C1QTNF7: variants seen among roughly 807,000 people sequenced by gnomAD.
C1QTNF7 encodes the protein C1q and TNF related 7, also known as complement C1q tumor necrosis factor-related protein 7.
In C1QTNF7, 15 loss-of-function variants were observed where a neutral mutation model predicts 19.6. The ratio of observed to expected loss-of-function variants is 0.76; its 90% CI spans 0.51 to 1.18. The LOEUF is 1.18. C1QTNF7 is among the 50% of genes most tolerant of loss of function. The probability of loss-of-function intolerance (pLI) is 0.00; values close to 1 mark genes in which losing one functional copy is unlikely to be tolerated. For missense variants in C1QTNF7, 324 were observed against 359.7 expected, an observed-to-expected ratio of 0.90 and a Z score of 0.80; for synonymous variants, 142 against 137.5, an observed-to-expected ratio of 1.03 and a Z score of -0.23.
At chr4:15,404,728 G>A (rs1719131127) in intron 1 of C1QTNF7, among the ~76,000 whole-genome samples, 1 of 152,158 alleles carries the variant, frequency 6.6e-6, no homozygotes, top group African/African-American at 2.4e-5. Context: ...TATTCTTAAT[G>A]GGGACCAAGG....
rs184805823 is a variant in C1QTNF7, at chr4:15,382,954, G to A, written c.13+42747G>A. Among the ~76,000 whole-genome samples, 21 of 152,256 alleles carry A rather than the reference G, an allele frequency of 1.4e-4. No individual in the cohort carries two copies. In the East Asian group the frequency reaches 3.3e-3, roughly 24 times the overall value. On this transcript the variant is annotated intron_variant, in intron 1 of 2. Coordinates refer to the C1QTNF7 transcript ENST00000295297. The stretch of plus-strand genomic sequence containing the variant: ...AATACTTATTAGTGCTTACCAAATC[G>A]GAGGTGATCAAAACAGACAAAAATC...
rs551400515 is a variant in C1QTNF7, at chr4:15,412,210, C to A, written c.14-23526C>A. On this transcript the variant is annotated intron_variant, in intron 1 of 2. Transcript: ENST00000295297. The stretch of plus-strand genomic sequence containing the variant: ...AAGTTCAGGGCTCCCACTGATTCTA[C>A]CTTATCATGAGTTGTATAATTATTT... Among the ~76,000 whole-genome samples, 23 of 152,246 alleles carry A rather than the reference C, an allele frequency of 1.5e-4. 1 individual carries two copies. In the East Asian group the frequency reaches 4.4e-3, roughly 29 times the overall value.
intron 1 of C1QTNF7, among the ~76,000 whole-genome samples, chr4:15,394,180 T>C (rs1358056911): frequency 6.6e-6 from 1 of 152,298 alleles, no homozygotes; most frequent in Non-Finnish European, 1.5e-5. Flanking sequence ...TTGGAACACT[T>C]GAGGAAAGTA....
upstream of C1QTNF7, among the ~76,000 whole-genome samples, chr4:15,426,561 T>C (rs1712065582): frequency 2.0e-5 from 3 of 152,126 alleles, no homozygotes; most frequent in Admixed American, 2.0e-4. Flanking sequence ...TTTTATGTGG[T>C]AAGTAACATT....
Position 15,442,787 on chromosome 4 carries a change from T to C in C1QTNF7, c.858T>C (p.Asp286=). The change falls in exon 3 of 3, where the codon GAT becomes GAC. Residue 286 remains aspartate, a synonymous_variant. Coordinates refer to ENST00000444304, the MANE Select transcript of C1QTNF7 (RefSeq NM_031911.5). ...DTDYLDSISE[D]DEL is the part of the protein sequence containing the mutation. The stretch of plus-strand genomic sequence containing the variant: ...ATTACCTAGATTCCATATCAGAAGA[T>C]GATGAATTGTGATCAGGACCAAGAT... 6.2e-7 allele frequency: 1 copy of C among 1,604,394 alleles called. No individual in the cohort carries two copies. The highest frequency in any genetic ancestry group is 1.1e-5 in the South Asian group (1 of 89,588).
chr4:15,414,045 C>T (rs543212670), intron 1 of C1QTNF7, among the ~76,000 whole-genome samples: 1 of 152,292 alleles, frequency 6.6e-6, no homozygotes, highest in East Asian at 1.9e-4. Context: ...CACACTTAGA[C>T]CTCAAGCGTT....
chr4:15,352,248 C>A (rs543532496), intron 1 of C1QTNF7, among the ~76,000 whole-genome samples: 219 of 152,256 alleles, frequency 1.4e-3, no homozygotes, highest in African/African-American at 5.0e-3. Flanking sequence ...TTCATCCTCA[C>A]AAAAATTCTA....
intron 1 of C1QTNF7, among the ~76,000 whole-genome samples, chr4:15,417,202 T>A (rs1176691788): frequency 6.6e-6 from 1 of 152,192 alleles, no homozygotes; most frequent in Non-Finnish European, 1.5e-5. Context: ...CCTTAAAATG[T>A]ACAATTCAGC....
chr4:15,355,945 A>G (rs1717131402), intron 1 of C1QTNF7, among the ~76,000 whole-genome samples: 4 of 151,898 alleles, frequency 2.6e-5, no homozygotes, highest in Admixed American at 1.3e-4. Flanking sequence ...GCAGCCTCTA[A>G]CTCCTGGGCT....
chr4:15,371,275 G>A (rs1393085208), intron 1 of C1QTNF7, among the ~76,000 whole-genome samples: 1 of 152,228 alleles, frequency 6.6e-6, no homozygotes, highest in African/African-American at 2.4e-5. Flanking sequence ...ATCGACAGGG[G>A]AAGAATGCAT....
intron 1 of C1QTNF7, among the ~76,000 whole-genome samples, chr4:15,412,056 G>A (rs1719422468): frequency 6.6e-6 from 1 of 151,990 alleles, no homozygotes. Flanking sequence ...ATTCTCACAG[G>A]AGCGCAAACC....
intron 1 of C1QTNF7, chr4:15,374,461 AAAG>A (rs1717852338): frequency 1.6e-6 from 1 of 641,702 alleles, no homozygotes; most frequent in Non-Finnish European, 1.9e-6. Flanking sequence ...GCCAACAGAT[AAAG>A]AAGGATATTT....
intron 1 of C1QTNF7, among the ~76,000 whole-genome samples, chr4:15,354,158 A>G (rs1191763395): frequency 6.6e-6 from 1 of 152,130 alleles, no homozygotes; most frequent in Non-Finnish European, 1.5e-5. Context: ...CAGAAGGATG[A>G]AAAGGGTCTG....
At chr4:15,438,926 C>T (rs1577284944) in intron 2 of C1QTNF7, among the ~76,000 whole-genome samples, 1 of 152,086 alleles carries the variant, frequency 6.6e-6, no homozygotes, top group African/African-American at 2.4e-5. Context: ...TGCATAGATC[C>T]ACGGATAGAT....
At position 15,340,106 on chromosome 4, in the gene C1QTNF7, T is replaced by C. The variant is rs964312619; in HGVS notation, c.-89T>C. 1.2e-5 allele frequency: 17 copies of C among 1,427,510 alleles called. No homozygotes were observed. In the East Asian group the frequency reaches 4.2e-4, roughly 35 times the overall value. 88.4% of individuals were successfully genotyped at this position (1,427,510 alleles called of 1,614,324 possible). A position where few individuals can be genotyped will look rare whatever the true frequency, so the allele number is the denominator to read the frequency against. ...TAGCTTCGAATAATAAACACATATT[T>C]CTGCTTTAAATTTTTAATAGTTAAC... is the stretch of plus-strand genomic sequence containing the variant. On this transcript the variant is annotated 5_prime_UTR_variant, in exon 1 of 3. Coordinates refer to the C1QTNF7 transcript ENST00000295297.
At chr4:15,370,081 G>A (rs1404664828) in intron 1 of C1QTNF7, among the ~76,000 whole-genome samples, 1 of 152,058 alleles carries the variant, frequency 6.6e-6, no homozygotes, top group East Asian at 1.9e-4. Flanking sequence ...TAATACTATT[G>A]TACTCATGTC....
At chr4:15,441,534 C>T (rs757242316) in intron 2 of C1QTNF7, among the ~76,000 whole-genome samples, 1 of 152,152 alleles carries the variant, frequency 6.6e-6, no homozygotes, top group African/African-American at 2.4e-5. Flanking sequence ...TATCATCATG[C>T]TCATTGAAGG....
intron 1 of C1QTNF7, among the ~76,000 whole-genome samples, chr4:15,405,399 A>G (rs1316077718): frequency 6.6e-6 from 1 of 152,184 alleles, no homozygotes; most frequent in Non-Finnish European, 1.5e-5. Flanking sequence ...CCTTATCAGC[A>G]AGACTCCTGT....
rs1718804234 is a variant in C1QTNF7, at chr4:15,396,865, A to AG, written c.14-38866dup. Among the ~76,000 whole-genome samples the AG allele has an allele frequency of 2.0e-5, 3 of 152,150 alleles. No homozygotes were observed. The South Asian group carries it at 6.2e-4, about 32-fold the overall frequency. On this transcript the variant is annotated intron_variant, in intron 1 of 2. Coordinates refer to the C1QTNF7 transcript ENST00000295297. ...CCAGAGAAAGGGACACAGGCAACTCAGGGGGTGGCTGTCAGTGTGATGGCA... is the reference window on the plus strand; with the variant it reads ...CCAGAGAAAGGGACACAGGCAACTCAGGGGGGTGGCTGTCAGTGTGATGGCA...
Sources: allele counts gnomAD v4.1 joint callset (sites outside exome capture counted in the v4.1 genomes callset), GRCh38; gene constraint gnomAD v4.1.1; transcripts MANE v1.5; gene names NCBI Gene and HGNC (gene_info 2026-07-23, HGNC 2026-07-21).